Variants in CCDC122 observed in about 807,000 individuals in gnomAD.
CCDC122 encodes the protein coiled-coil domain-containing protein 122.
A neutral mutation model predicts 37.0 loss-of-function variants in CCDC122; 38 were observed. The ratio of observed to expected loss-of-function variants is 1.03; its 90% CI spans 0.79 to 1.35. CCDC122 has a LOEUF of 1.35. Among genes scored for constraint, CCDC122 ranks in the 40% most tolerant of loss-of-function variants. CCDC122 has a pLI of 0.00. For synonymous variants in CCDC122, 83 were observed against 95.6 expected (o/e 0.87, Z 0.77); for missense variants, 305 against 310.0 (o/e 0.98, Z 0.12).
At chr13:43,878,999 A>G (rs921735065) in intron 1 of CCDC122, among the ~76,000 whole-genome samples, 1 of 152,168 alleles carries the variant, frequency 6.6e-6, no homozygotes, top group Admixed American at 6.5e-5. Flanking sequence ...AGCTGCCAAG[A>G]GCTAGCATGA....
In CCDC122 at chr13:43,836,856, C is replaced by CA. The variant is rs11420172; in HGVS notation, c.*423dup. 62,419 of 82,108 alleles carry CA rather than the reference C, an allele frequency of 0.76. 24,502 individuals carry two copies. The highest frequency in any genetic ancestry group is 0.87 in the South Asian group (1,653 of 1,896). 5.1% of individuals were successfully genotyped at this position (82,108 alleles called of 1,614,324 possible). ...TGGGCGACAGAGCGAGACTCCGTCT[C>CA]AAAAAAAAAAAAAAAAAAAAAGTTC... is the stretch of plus-strand genomic sequence containing the variant. On this transcript the variant is annotated 3_prime_UTR_variant, in exon 7 of 7. Coordinates refer to ENST00000444614, the MANE Select transcript of CCDC122 (RefSeq NM_144974.5).
chr13:43,863,120 T>C (rs561304849), intron 4 of CCDC122, among the ~76,000 whole-genome samples: 23 of 152,256 alleles, frequency 1.5e-4, no homozygotes, highest in South Asian at 6.2e-4. Flanking sequence ...ACAACTAAGA[T>C]AATAAACGTA....
intron 3 of CCDC122, among the ~76,000 whole-genome samples, chr13:43,829,968 T>C (rs1953073658): frequency 6.6e-6 from 1 of 152,148 alleles, no homozygotes; most frequent in African/African-American, 2.4e-5. Flanking sequence ...CTCCGCCTCC[T>C]GGCTGCAAGT....
rs1406650169 is a variant in CCDC122, at chr13:43,837,232, G to A, written c.*48C>T. On this transcript the variant is annotated 3_prime_UTR_variant, in exon 7 of 7. Transcript: ENST00000444614. ...AAAGATTTTCTTAATGTTCTGTCCA[G>A]TAATTTTTGTTGTCATGGTCTGTGT... The A allele has an allele frequency of 6.4e-7, 1 of 1,555,090 alleles. No individual in the cohort carries two copies. Among genetic ancestry groups the A allele is most frequent in the Non-Finnish European group, 8.7e-7 (1 of 1,147,178 alleles).
intron 2 of CCDC122, among the ~76,000 whole-genome samples, chr13:43,870,020 A>G (rs543067273): frequency 6.6e-6 from 1 of 152,262 alleles, no homozygotes; most frequent in African/African-American, 2.4e-5. Flanking sequence ...AAATCACTAA[A>G]TATCTTTTCT....
intron 3 of CCDC122, among the ~76,000 whole-genome samples, chr13:43,826,733 G>C (rs1365769559): frequency 6.6e-6 from 1 of 152,128 alleles, no homozygotes; most frequent in Non-Finnish European, 1.5e-5. Flanking sequence ...ATTTTCAGCA[G>C]TGCAAAAAAT....
intron 6 of CCDC122, among the ~76,000 whole-genome samples, chr13:43,845,097 C>T (rs1004215796): frequency 1.3e-5 from 2 of 151,966 alleles, no homozygotes; most frequent in African/African-American, 4.8e-5. Context: ...TGTTCCATTT[C>T]ATTTCTTCCT....
chr13:43,827,687 C>T (rs773249962), intron 3 of CCDC122, among the ~76,000 whole-genome samples: 1 of 152,156 alleles, frequency 6.6e-6, no homozygotes, highest in Non-Finnish European at 1.5e-5. Flanking sequence ...TTTTGCTATA[C>T]AGAAGTTCTG....
chr13:43,862,076 A>G (rs890835053), intron 4 of CCDC122, among the ~76,000 whole-genome samples: 5 of 152,188 alleles, frequency 3.3e-5, no homozygotes, highest in African/African-American at 4.8e-5. Flanking sequence ...TAGTCTGTGT[A>G]TATCAGGCAG....
chr13:43,860,824 T>C (rs561692037), intron 4 of CCDC122, among the ~76,000 whole-genome samples: 45 of 151,780 alleles, frequency 3.0e-4, no homozygotes, highest in Non-Finnish European at 5.3e-4. Context: ...TATAAGTGGC[T>C]GCTGAGTTCT....
At chr13:43,863,008 T>G (rs544796357) in intron 4 of CCDC122, among the ~76,000 whole-genome samples, 8 of 152,056 alleles carry the variant, frequency 5.3e-5, no homozygotes, top group Non-Finnish European at 1.2e-4. Context: ...TCTCTCTCCT[T>G]TTTAAACTTA....
chr13:43,822,419 G>T (rs1030036106), downstream of CCDC122, among the ~76,000 whole-genome samples: 1 of 152,162 alleles, frequency 6.6e-6, no homozygotes, highest in Non-Finnish European at 1.5e-5. Context: ...TTCACCCAAG[G>T]CCCCCTGTAA....
At chr13:43,822,348 A>G (rs187577130), downstream of CCDC122, among the ~76,000 whole-genome samples, 14 of 152,300 alleles carry the variant, frequency 9.2e-5, no homozygotes, top group Admixed American at 8.5e-4. Context: ...GGGGTGGGGA[A>G]CACAGGCTAC....
intron 2 of CCDC122, among the ~76,000 whole-genome samples, chr13:43,871,449 G>A (rs1283790763): frequency 6.6e-6 from 1 of 151,940 alleles, no homozygotes; most frequent in Non-Finnish European, 1.5e-5. Flanking sequence ...ATTTCCATAA[G>A]CTGCCTAAAA....
In CCDC122 at chr13:43,859,703, T is replaced by C; in HGVS notation, c.524A>G (p.Asn175Ser). The C allele has an allele frequency of 7.6e-6, 12 of 1,573,714 alleles. No homozygotes were observed. The highest frequency in any genetic ancestry group is 1.0e-5 in the Non-Finnish European group (12 of 1,166,622). ...TTGTGTTATTCGGTTCCCTCCTGGA[T>C]TTTGAAGATCTTGCATAAGTTCTTC... is the stretch of plus-strand genomic sequence containing the variant. Reference protein sequence around the residue: ...MKEELMQDLQNPGGNRITQVQ... With the variant: ...MKEELMQDLQSPGGNRITQVQ... Residue 175 changes from asparagine to serine, a missense_variant, in exon 5 of 7, where the codon AAT (asparagine) becomes AGT (serine). Asn to Ser is a conservative substitution (Grantham distance 46). Transcript: ENST00000444614.
At chr13:43,820,872 T>G (rs1952988118), downstream of CCDC122, among the ~76,000 whole-genome samples, 1 of 152,224 alleles carries the variant, frequency 6.6e-6, no homozygotes, top group Non-Finnish European at 1.5e-5. Context: ...ATTACACATT[T>G]TGAAGGGTAT....
At chr13:43,848,991 C>T (rs1332590996) in intron 6 of CCDC122, 24 of 960,088 alleles carry the variant, frequency 2.5e-5, no homozygotes, top group South Asian at 4.8e-5. Flanking sequence ...TATTAATGAT[C>T]GATTCTCATC....
intron 6 of CCDC122, among the ~76,000 whole-genome samples, chr13:43,849,540 T>C (rs909731656): frequency 2.0e-5 from 3 of 152,204 alleles, no homozygotes; most frequent in Non-Finnish European, 4.4e-5. Flanking sequence ...TTTCCTCATA[T>C]ATCCCAGAGA....
intron 6 of CCDC122, among the ~76,000 whole-genome samples, chr13:43,847,097 G>T (rs1386737804): frequency 6.6e-6 from 1 of 152,256 alleles, no homozygotes; most frequent in Admixed American, 6.5e-5. Flanking sequence ...TTGTAGCATG[G>T]CTAAATAAAT....
Sources: gnomAD v4.1 joint callset for allele counts (sites outside exome capture counted in the v4.1 genomes callset) on GRCh38, gnomAD v4.1.1 for gene constraint, MANE v1.5 for transcripts, NCBI Gene and HGNC (gene_info 2026-07-23, HGNC 2026-07-21) for gene names.